Variants in ZNF678 observed in about 807,000 individuals in gnomAD.
The protein encoded by ZNF678 is zinc finger protein 678.
In ZNF678, 5 loss-of-function variants were observed where a neutral mutation model predicts 3.0. That is an observed-to-expected ratio of 1.69 (90% CI 0.88 to 3.56). The LOEUF is 3.56. Among genes scored for constraint, ZNF678 ranks in the 30% most tolerant of loss-of-function variants. ZNF678 has a pLI of 0.00. For missense variants in ZNF678, 593 were observed against 605.0 expected, an observed-to-expected ratio of 0.98 and a Z score of 0.21; for synonymous variants, 218 against 199.6, an observed-to-expected ratio of 1.09 and a Z score of -0.78.
In ZNF678 at chr1:227,654,570, G is replaced by T; in HGVS notation, c.320G>T (p.Ser107Ile). 6.2e-7 allele frequency: 1 copy of T among 1,613,294 alleles called. No individual in the cohort carries two copies. The highest frequency in any genetic ancestry group is 1.7e-4 in the Middle Eastern group (1 of 6,050). Reference protein sequence around the residue: ...FQCIECGRNFSWRSILTEHKR... With the variant: ...FQCIECGRNFIWRSILTEHKR... ...TGTATTGAATGTGGCAGAAATTTTAGCTGGAGGTCAATCCTTACTGAACAT... is the reference window on the plus strand; with the variant it reads ...TGTATTGAATGTGGCAGAAATTTTATCTGGAGGTCAATCCTTACTGAACAT... Residue 107 changes from serine (S) to isoleucine (I), a missense_variant, in exon 4 of 4, where the codon AGC (serine) becomes ATC (isoleucine). By Grantham distance (142) the Ser-to-Ile change is moderately radical. Transcript: ENST00000343776.
intron 1 of ZNF678, among the ~76,000 whole-genome samples, chr1:227,594,713 CTTTTGCAGACAATT>C (rs1347485187): frequency 6.6e-6 from 1 of 152,198 alleles, no homozygotes; most frequent in African/African-American, 2.4e-5. Flanking sequence ...TCTTTCACGA[CTTTTGCAGACAATT>C]CTTTGACATG....
chr1:227,627,996 G>A (rs1246494104), intron 1 of ZNF678, among the ~76,000 whole-genome samples: 1 of 152,190 alleles, frequency 6.6e-6, no homozygotes, highest in Non-Finnish European at 1.5e-5. Flanking sequence ...TTGCACAAGT[G>A]CACAGTGGCA....
At chr1:227,647,364 A>T (rs1039498420) in intron 2 of ZNF678, among the ~76,000 whole-genome samples, 12 of 152,072 alleles carry the variant, frequency 7.9e-5, no homozygotes, top group African/African-American at 2.9e-4. Flanking sequence ...CCTTCTAAAA[A>T]TTTTTTTTCC....
At chr1:227,575,018 T>C (rs1216624557) in intron 1 of ZNF678, among the ~76,000 whole-genome samples, 1 of 152,164 alleles carries the variant, frequency 6.6e-6, no homozygotes, top group Non-Finnish European at 1.5e-5. Context: ...CATTGCTTAT[T>C]TTTATCAGGT....
chr1:227,604,998 G>A (rs1408867452), intron 1 of ZNF678, among the ~76,000 whole-genome samples: 2 of 152,032 alleles, frequency 1.3e-5, no homozygotes, highest in Non-Finnish European at 2.9e-5. Flanking sequence ...TGGGACTACA[G>A]GGGCCCACCA....
At chr1:227,609,636 G>A (rs746738580) in intron 1 of ZNF678, among the ~76,000 whole-genome samples, 2 of 152,026 alleles carry the variant, frequency 1.3e-5, no homozygotes, top group Non-Finnish European at 2.9e-5. Flanking sequence ...GTAACTTTTT[G>A]TGAATATATA....
At chr1:227,597,335 C>A (rs1006117530) in intron 1 of ZNF678, among the ~76,000 whole-genome samples, 2 of 152,238 alleles carry the variant, frequency 1.3e-5, no homozygotes, top group African/African-American at 2.4e-5. Context: ...AAACCCACAA[C>A]CTTCCAGCGT....
At chr1:227,631,608 A>G (rs1017019170) in intron 1 of ZNF678, among the ~76,000 whole-genome samples, 1 of 152,166 alleles carries the variant, frequency 6.6e-6, no homozygotes, top group Non-Finnish European at 1.5e-5. Flanking sequence ...AATATGCCCT[A>G]ATTATTGATC....
intron 3 of ZNF678, among the ~76,000 whole-genome samples, chr1:227,652,655 A>T (rs1659117616): frequency 6.6e-6 from 1 of 152,064 alleles, no homozygotes; most frequent in East Asian, 1.9e-4. Context: ...GCATACAGAA[A>T]TTTTTTTCAT....
rs555412800 is a variant in ZNF678 at position 227,633,062 on chromosome 1, G to A, written c.-163-13482G>A. Among the ~76,000 whole-genome samples, 9 of 152,262 alleles carry A rather than the reference G, an allele frequency of 5.9e-5. No homozygotes were observed. In the South Asian group the frequency reaches 1.9e-3, roughly 32 times the overall value. On this transcript the variant is annotated intron_variant, in intron 1 of 3. Coordinates refer to ENST00000343776, the MANE Select transcript of ZNF678 (RefSeq NM_001367909.1). The stretch of plus-strand genomic sequence containing the variant: ...ATGCAGGAACAATGACAAGACTCTA[G>A]CCCAATCAGGAGTGGCAATGGGCAC...
intron 1 of ZNF678, among the ~76,000 whole-genome samples, chr1:227,577,550 A>G (rs778233053): frequency 6.6e-6 from 1 of 152,136 alleles, no homozygotes; most frequent in African/African-American, 2.4e-5. Flanking sequence ...AGGAACTAGG[A>G]TTGCAAACCT....
chr1:227,664,981 T>C (rs901617664), downstream of ZNF678, among the ~76,000 whole-genome samples: 8 of 152,182 alleles, frequency 5.3e-5, no homozygotes, highest in Middle Eastern at 3.2e-3. Flanking sequence ...AACTACTTTT[T>C]TCTAACCAGT....
At chr1:227,600,734 GTC>G (rs1356822768) in intron 1 of ZNF678, among the ~76,000 whole-genome samples, 1 of 151,818 alleles carries the variant, frequency 6.6e-6, no homozygotes, top group African/African-American at 2.4e-5. Flanking sequence ...TCTGTATGTT[GTC>G]TGTTTACTCT....
intron 1 of ZNF678, among the ~76,000 whole-genome samples, chr1:227,576,482 T>C (rs1189513951): frequency 2.0e-5 from 3 of 152,154 alleles, no homozygotes; most frequent in Non-Finnish European, 4.4e-5. Context: ...AGGGTGTGTG[T>C]GTCCAGGAAT....
In ZNF678 at chr1:227,655,339, C is replaced by T. The variant is rs969343541; in HGVS notation, c.1089C>T (p.Asn363=). ...GCAGAACCTTTACTCAATTCTCAAA[C>T]CTCACTCAGCATAAAAGAATTCATA... ...ECGRTFTQFS[N]LTQHKRIHTG... is the part of the protein sequence containing the mutation. Residue 363 remains asparagine (N), a synonymous_variant, in exon 4 of 4, where the codon AAC becomes AAT. Coordinates refer to ENST00000343776, the MANE Select transcript of ZNF678 (RefSeq NM_001367909.1). 3 of 1,610,854 alleles carry T rather than the reference C, an allele frequency of 1.9e-6. No homozygotes were observed. The highest frequency in any genetic ancestry group is 1.7e-6 in the Non-Finnish European group (2 of 1,178,042).
At chr1:227,583,843 A>G (rs1657193826) in intron 1 of ZNF678, among the ~76,000 whole-genome samples, 1 of 152,228 alleles carries the variant, frequency 6.6e-6, no homozygotes, top group South Asian at 2.1e-4. Flanking sequence ...ATAGGCATGC[A>G]TTGGGCACAT....
At chr1:227,665,048 C>A (rs1416032754), downstream of ZNF678, among the ~76,000 whole-genome samples, 2 of 152,148 alleles carry the variant, frequency 1.3e-5, no homozygotes, top group African/African-American at 4.8e-5. Flanking sequence ...CCTAACCTAC[C>A]CAATGGGGAT....
intron 1 of ZNF678, among the ~76,000 whole-genome samples, chr1:227,583,393 C>T (rs1392722337): frequency 6.8e-6 from 1 of 146,166 alleles, no homozygotes; most frequent in Non-Finnish European, 1.5e-5. Context: ...GCCTTGTCGC[C>T]CAGGCTGGAG....
At chr1:227,575,206 G>A (rs904139034) in intron 1 of ZNF678, among the ~76,000 whole-genome samples, 1 of 152,044 alleles carries the variant, frequency 6.6e-6, no homozygotes, top group Admixed American at 6.6e-5. Context: ...TTTTTGCAAG[G>A]GATTGCCTTG....
Sources: allele counts gnomAD v4.1 joint callset (sites outside exome capture counted in the v4.1 genomes callset), GRCh38; gene constraint gnomAD v4.1.1; transcripts MANE v1.5; gene names NCBI Gene and HGNC (gene_info 2026-07-23, HGNC 2026-07-21).